Variants in IFT74 observed in about 807,000 individuals in gnomAD.
IFT74 encodes the protein intraflagellar transport protein 74 homolog.
A neutral mutation model predicts 96.7 loss-of-function variants in IFT74; 92 were observed. The observed-to-expected ratio is 0.95, with a 90% CI of 0.80 to 1.13. The LOEUF is 1.13. Ranked by LOEUF, IFT74 falls within the 50% of genes most tolerant of loss-of-function variation. The pLI is 0.00. For missense variants in IFT74, 811 were observed against 698.2 expected (o/e 1.16, Z -1.82); for synonymous variants, 223 against 213.2 (o/e 1.05, Z -0.40).
chr9:26,959,310 C>T (rs1021687304), intron 1 of IFT74, among the ~76,000 whole-genome samples: 2 of 152,054 alleles, frequency 1.3e-5, no homozygotes, highest in African/African-American at 2.4e-5. Flanking sequence ...AGGGTTTCAC[C>T]GTGTTAGCCA....
intron 13 of IFT74, 112 bp downstream of exon 13, chr9:27,029,216 C>A (rs1587382076): frequency 1.5e-6 from 1 of 686,336 alleles, no homozygotes; most frequent in Non-Finnish European, 2.3e-6. Context: ...TTATTTAATT[C>A]TCTATGATAT....
At chr9:26,997,616 G>C in intron 8 of IFT74, 1 of 1,138,394 alleles carries the variant, frequency 8.8e-7, no homozygotes. Context: ...TTACAGGCAT[G>C]AGCCACTGCG....
chr9:27,009,285 C>T (rs1442481194), intron 9 of IFT74, 127 bp downstream of exon 9: 1 of 743,572 alleles, frequency 1.3e-6, no homozygotes, highest in Non-Finnish European at 2.2e-6. Context: ...TTCATTTTAA[C>T]AAGGTCCCCA....
intron 7 of IFT74, among the ~76,000 whole-genome samples, 164 bp from the exon 8 acceptor site, chr9:26,989,967 ATTG>A (rs1827795934): frequency 1.3e-5 from 2 of 152,152 alleles, no homozygotes; most frequent in African/African-American, 4.8e-5. Context: ...AAAATCTGAT[ATTG>A]TTTGTTAAAT....
At chr9:27,029,842 AT>A (rs1830041650) in intron 13 of IFT74, among the ~76,000 whole-genome samples, 1 of 152,238 alleles carries the variant, frequency 6.6e-6, no homozygotes, top group African/African-American at 2.4e-5. Context: ...CAAATCACAA[AT>A]ACCACACAAA....
At chr9:27,059,632 T>G (rs973185012) in intron 18 of IFT74, among the ~76,000 whole-genome samples, 3 of 152,220 alleles carry the variant, frequency 2.0e-5, no homozygotes, top group African/African-American at 7.2e-5. Flanking sequence ...TGGGGGAGAT[T>G]GATGTGATTA....
chr9:26,975,584 AT>A (rs1318732377), intron 2 of IFT74, among the ~76,000 whole-genome samples: 1 of 152,098 alleles, frequency 6.6e-6, no homozygotes, highest in Non-Finnish European at 1.5e-5. Flanking sequence ...TTGGCTGTTT[AT>A]TTTTCCTGTC....
intron 8 of IFT74, chr9:26,993,476 T>G (rs1466927042): frequency 5.2e-5 from 8 of 152,594 alleles, no homozygotes; most frequent in Non-Finnish European, 1.2e-4. Context: ...GTATTATAAA[T>G]TAGTAAGTTC....
upstream of IFT74, among the ~76,000 whole-genome samples, chr9:26,952,300 G>A (rs1363452051): frequency 2.8e-5 from 4 of 142,890 alleles, no homozygotes; most frequent in South Asian, 6.6e-4. Flanking sequence ...TTTTTGAGAC[G>A]AAGTCTTACT....
At chr9:27,062,285 G>A (rs999348521) in intron 19 of IFT74, among the ~76,000 whole-genome samples, 11 of 152,136 alleles carry the variant, frequency 7.2e-5, no homozygotes, top group Admixed American at 5.9e-4. Context: ...TCTAGAGAAC[G>A]TGGTATGTGT....
At chr9:26,966,115 A>G (rs1411897007) in intron 2 of IFT74, among the ~76,000 whole-genome samples, 4 of 151,506 alleles carry the variant, frequency 2.6e-5, no homozygotes, top group Non-Finnish European at 5.9e-5. Flanking sequence ...TTTTTCATAT[A>G]TTCGCTATTG....
chr9:27,057,867 A>AG (rs1274103451), intron 18 of IFT74, among the ~76,000 whole-genome samples: 2 of 152,050 alleles, frequency 1.3e-5, no homozygotes, highest in Non-Finnish European at 2.9e-5. Context: ...CAAAAAAAAA[A>AG]CAAAACTCTC....
At chr9:26,979,148 T>C (rs60841248) in intron 3 of IFT74, among the ~76,000 whole-genome samples, 15,423 of 151,654 alleles carry the variant, frequency 0.1, 1,774 homozygotes, top group East Asian at 0.65. Context: ...TCAAGAGACT[T>C]AAATTTTTTT....
intron 6 of IFT74, 101 bp downstream of exon 6, chr9:26,984,660 T>G: frequency 1.2e-6 from 1 of 862,806 alleles, no homozygotes. Flanking sequence ...CACAGATACT[T>G]TTCAAAAGAA....
Position 27,065,180 on chromosome 9 carries a change from G to A in IFT74, c.*2444G>A, listed in dbSNP as rs1820570782. Among the ~76,000 whole-genome samples the A allele has an allele frequency of 6.6e-6, 1 of 152,088 alleles. No individual in the cohort carries two copies. Among genetic ancestry groups the A allele is most frequent in the Non-Finnish European group, 1.5e-5 (1 of 67,988 alleles). Reference sequence around the variant, plus strand: ...AATTTCCATCCTAATTTATTCATATGTAATATTGGTGGGGGGCAAATAATT... The same window carrying A: ...AATTTCCATCCTAATTTATTCATATATAATATTGGTGGGGGGCAAATAATT... On this transcript the variant is annotated 3_prime_UTR_variant, in exon 20 of 20. Transcript: ENST00000380062.
chr9:26,969,179 C>G lies in IFT74; in HGVS notation c.120+7092C>G, dbSNP rs145212771. Among the ~76,000 whole-genome samples, 894 of 152,150 alleles carry G rather than the reference C, an allele frequency of 5.9e-3. 3 individuals are homozygous for G. The highest frequency in any genetic ancestry group is 0.034 in the Middle Eastern group (10 of 294). ...TCTCTTCTTAGACCCACTGGTCATT[C>G]AGGAACATATTTCTATTTGTTGGTA... On this transcript the variant is annotated intron_variant, in intron 2 of 19. Coordinates refer to ENST00000380062, the MANE Select transcript of IFT74 (RefSeq NM_025103.4).
At chr9:26,978,077 G>C (rs761841550) in intron 2 of IFT74, 51 bp from the exon 3 acceptor site, 5 of 1,486,744 alleles carry the variant, frequency 3.4e-6, no homozygotes, top group Non-Finnish European at 4.5e-6. Context: ...AATAAAAGAT[G>C]TACAGTGTTT....
At chr9:27,037,545 C>G (rs1296414698) in intron 13 of IFT74, among the ~76,000 whole-genome samples, 1 of 152,138 alleles carries the variant, frequency 6.6e-6, no homozygotes, top group East Asian at 1.9e-4. Flanking sequence ...CCTTTCATAG[C>G]AAGTCTTCAG....
chr9:27,027,505 A>G (rs1046934978), intron 12 of IFT74, among the ~76,000 whole-genome samples: 3 of 152,074 alleles, frequency 2.0e-5, no homozygotes, highest in Non-Finnish European at 4.4e-5. Context: ...TATTATAGCC[A>G]TTCCTAATGG....
Sources: gnomAD v4.1 joint callset for allele counts (sites outside exome capture counted in the v4.1 genomes callset) on GRCh38, gnomAD v4.1.1 for gene constraint, MANE v1.5 for transcripts, NCBI Gene and HGNC (gene_info 2026-07-23, HGNC 2026-07-21) for gene names.